CNTNAP2: variants seen among roughly 807,000 people sequenced by gnomAD.
CNTNAP2 encodes contactin-associated protein-like 2.
CNTNAP2 carries 98 observed loss-of-function variants against 155.2 expected under a neutral mutation model. The observed-to-expected ratio is 0.63, with a 90% CI of 0.54 to 0.75. The LOEUF is 0.75. CNTNAP2 is among the 30% of genes least tolerant of loss of function. The pLI, the probability that CNTNAP2 is intolerant of heterozygous loss-of-function variation, is 0.00. For synonymous variants in CNTNAP2, 651 were observed against 631.2 expected, an observed-to-expected ratio of 1.03 and a Z score of -0.47; for missense variants, 1,727 against 1,688.1, an observed-to-expected ratio of 1.02 and a Z score of -0.40.
rs546088775 is a variant in CNTNAP2 at position 147,302,144 on chromosome 7, A to T, written c.1498+1854A>T. Reference sequence around the variant, plus strand: ...TCAATAGCCAAACTGGTTACCGTCCAAAAAAATATTCAATATGATTGGCTT... The same window carrying T: ...TCAATAGCCAAACTGGTTACCGTCCTAAAAAATATTCAATATGATTGGCTT... On this transcript the variant is annotated intron_variant, in intron 9 of 23. Coordinates refer to ENST00000361727, the MANE Select transcript of CNTNAP2 (RefSeq NM_014141.6). Among the ~76,000 whole-genome samples the T allele has an allele frequency of 6.6e-5, 10 of 152,342 alleles. No homozygotes were observed. The South Asian group carries it at 1.9e-3, about 28-fold the overall frequency.
chr7:146,660,789 G>T (rs912340907), intron 1 of CNTNAP2, among the ~76,000 whole-genome samples: 1 of 152,118 alleles, frequency 6.6e-6, no homozygotes, highest in Non-Finnish European at 1.5e-5. Flanking sequence ...TTTACTGAAA[G>T]TCTTTCACAT....
rs997159133 is a variant in CNTNAP2 at position 148,323,398 on chromosome 7, C to G, written c.3475+56272C>G. On this transcript the variant is annotated intron_variant, in intron 21 of 23. Coordinates refer to ENST00000361727, the MANE Select transcript of CNTNAP2 (RefSeq NM_014141.6). ...ATTTCTTACATTACTTTTTAACAAA[C>G]GTATTTTGTGCATGATTCTAAGAGG... 1.1e-4 allele frequency among the ~76,000 whole-genome samples: 14 copies of G among 123,230 alleles called. No homozygotes were observed. In the South Asian group the frequency reaches 4.1e-3, roughly 36 times the overall value. The allele number at this position is 123,230 out of a possible 152,430, so 80.8% of individuals were successfully genotyped here. A position where few individuals can be genotyped will look rare whatever the true frequency, so the allele number is the denominator to read the frequency against.
At position 148,351,510 on chromosome 7, in the gene CNTNAP2, C is replaced by T. The variant is rs573254910; in HGVS notation, c.3476-32139C>T. ...CTGTAATCCCAGTACTTTGGGAGGCCGAGGTGGGCAGATCACGAGGTCAGG... is the reference window on the plus strand; with the variant it reads ...CTGTAATCCCAGTACTTTGGGAGGCTGAGGTGGGCAGATCACGAGGTCAGG... On this transcript the variant is annotated intron_variant, in intron 21 of 23. Coordinates refer to ENST00000361727, the MANE Select transcript of CNTNAP2 (RefSeq NM_014141.6). 4.6e-5 allele frequency among the ~76,000 whole-genome samples: 7 copies of T among 151,768 alleles called. No homozygotes were observed. In the East Asian group the frequency reaches 5.8e-4, roughly 13 times the overall value.
At chr7:147,753,521 A>C (rs1797170476) in intron 13 of CNTNAP2, among the ~76,000 whole-genome samples, 1 of 152,268 alleles carries the variant, frequency 6.6e-6, no homozygotes, top group Admixed American at 6.5e-5. Flanking sequence ...ATGTACTATA[A>C]GAATAATTAG....
chr7:148,133,621 G>A (rs562461920), intron 16 of CNTNAP2: 1 of 152,328 alleles, frequency 6.6e-6, no homozygotes, highest in South Asian at 2.1e-4. Flanking sequence ...GGATAGAGAA[G>A]CATTCTCTCT....
At chr7:146,457,787 A>G (rs111889151) in intron 1 of CNTNAP2, among the ~76,000 whole-genome samples, 4,141 of 151,792 alleles carry the variant, frequency 0.027, 134 homozygotes, top group African/African-American at 0.073. Context: ...ACAGGTGTGA[A>G]CAACTGCGCC....
At chr7:147,646,759 T>A (rs1795371068) in intron 13 of CNTNAP2, among the ~76,000 whole-genome samples, 1 of 152,114 alleles carries the variant, frequency 6.6e-6, no homozygotes, top group African/African-American at 2.4e-5. Flanking sequence ...GTACATTTTA[T>A]GGACCAAAGC....
intron 1 of CNTNAP2, among the ~76,000 whole-genome samples, chr7:146,280,942 G>A (rs910656699): frequency 6.6e-6 from 1 of 152,188 alleles, no homozygotes; most frequent in Non-Finnish European, 1.5e-5. Flanking sequence ...TTCTCAGGGT[G>A]AGGATGGGAG....
chr7:148,408,697 T>A (rs1414376787), intron 22 of CNTNAP2, among the ~76,000 whole-genome samples: 1 of 152,226 alleles, frequency 6.6e-6, no homozygotes, highest in Non-Finnish European at 1.5e-5. Flanking sequence ...TTAGGTCCTA[T>A]GGATGACAGA....
chr7:148,198,708 T>C (rs900817240), intron 18 of CNTNAP2, among the ~76,000 whole-genome samples: 2 of 152,230 alleles, frequency 1.3e-5, no homozygotes, highest in East Asian at 1.9e-4. Flanking sequence ...TAGCAGTTGG[T>C]TAAAGCTTCA....
intron 21 of CNTNAP2, among the ~76,000 whole-genome samples, chr7:148,335,547 G>C (rs1798102159): frequency 6.6e-6 from 1 of 152,166 alleles, no homozygotes; most frequent in African/African-American, 2.4e-5. Flanking sequence ...ACCAACTGCT[G>C]TATCAGATAT....
chr7:147,014,091 A>T (rs1429402575), intron 3 of CNTNAP2, among the ~76,000 whole-genome samples: 3 of 152,168 alleles, frequency 2.0e-5, no homozygotes, highest in Non-Finnish European at 4.4e-5. Context: ...ACTTCCAGTG[A>T]TGTTTTTCTG....
chr7:147,983,707 G>C lies in CNTNAP2; in HGVS notation c.2383+5718G>C, dbSNP rs180738656. Among the ~76,000 whole-genome samples the C allele has an allele frequency of 6.8e-4, 103 of 152,302 alleles. 1 individual carries two copies. The East Asian group carries it at 0.016, about 24-fold the overall frequency. The stretch of plus-strand genomic sequence containing the variant: ...AGGTGGATTTAAAAATGTTCTGGTT[G>C]GAGATTGGTTAAAAGAGTTAAGTTA... On this transcript the variant is annotated intron_variant, in intron 15 of 23. Coordinates refer to ENST00000361727, the MANE Select transcript of CNTNAP2 (RefSeq NM_014141.6).
intron 3 of CNTNAP2, among the ~76,000 whole-genome samples, chr7:146,880,792 T>A (rs1375492489): frequency 6.6e-6 from 1 of 152,168 alleles, no homozygotes; most frequent in Non-Finnish European, 1.5e-5. Flanking sequence ...TACAGAGGGC[T>A]GAATATTTGT....
At chr7:147,826,448 A>G (rs1798451430) in intron 13 of CNTNAP2, among the ~76,000 whole-genome samples, 1 of 152,194 alleles carries the variant, frequency 6.6e-6, no homozygotes, top group Non-Finnish European at 1.5e-5. Context: ...TTATGTCTCA[A>G]TCAATCAATT....
chr7:147,337,356 T>C (rs553460274), intron 9 of CNTNAP2, among the ~76,000 whole-genome samples: 67 of 152,188 alleles, frequency 4.4e-4, no homozygotes, highest in African/African-American at 1.5e-3. Context: ...GCAATGGAAT[T>C]GCTGAGCTAA....
At chr7:148,199,031 G>A (rs1795325432) in intron 18 of CNTNAP2, among the ~76,000 whole-genome samples, 1 of 152,180 alleles carries the variant, frequency 6.6e-6, no homozygotes. Context: ...AGATTAGGGA[G>A]GGCATGGCAG....
chr7:147,399,744 C>G (rs1386958344), intron 10 of CNTNAP2, among the ~76,000 whole-genome samples: 2 of 152,212 alleles, frequency 1.3e-5, no homozygotes, highest in African/African-American at 2.4e-5. Flanking sequence ...CACAATAAAC[C>G]TTTGTGATTG....
intron 17 of CNTNAP2, among the ~76,000 whole-genome samples, chr7:148,165,952 C>T (rs1805649016): frequency 6.6e-6 from 1 of 152,134 alleles, no homozygotes; most frequent in Non-Finnish European, 1.5e-5. Context: ...TGCCTCCTTC[C>T]CTTCCAACAG....
Sources: gnomAD v4.1 joint callset for allele counts (sites outside exome capture counted in the v4.1 genomes callset) on GRCh38, gnomAD v4.1.1 for gene constraint, MANE v1.5 for transcripts, NCBI Gene and HGNC (gene_info 2026-07-23, HGNC 2026-07-21) for gene names.